MBP: variants seen among roughly 807,000 people sequenced by gnomAD.
MBP encodes Golli-MBP.
Under a neutral mutation model 35.8 loss-of-function variants are expected in MBP, and 16 were observed. That is an observed-to-expected ratio of 0.45 (90% confidence interval 0.30 to 0.68). The LOEUF (loss-of-function observed/expected upper bound fraction) is 0.68. Among genes scored for constraint, MBP ranks in the 30% least tolerant of loss-of-function variants. The pLI is 0.08. For synonymous variants in MBP, 143 were observed against 159.6 expected (o/e 0.90, Z 0.78); for missense variants, 380 against 404.7 (o/e 0.94, Z 0.52).
At chr18:76,990,735 G>A (rs976563871) in intron 4 of MBP, 4 of 187,962 alleles carry the variant, frequency 2.1e-5, no homozygotes, top group South Asian at 1.4e-4. Context: ...TTGTGTGTGC[G>A]TGTAGGATGG....
In MBP at chr18:76,988,311, G is replaced by A. The variant is rs943550363; in HGVS notation, c.750+184C>T. ...GCAAGAGACCAGACCTTCCGGAAGG[G>A]AAGACCACGTTTCATTTCCCCAGTG... is the stretch of plus-strand genomic sequence containing the variant. On this transcript the variant is annotated intron_variant, in intron 7 of 8. Coordinates refer to ENST00000355994, the MANE Select transcript of MBP (RefSeq NM_001025101.2). This position sits in a 1 kb window ranked among gnomAD's most constrained non-coding sequence, Gnocchi z 5.2. 52 of 1,566,918 alleles carry A rather than the reference G, an allele frequency of 3.3e-5. No homozygotes were observed. The highest frequency in any genetic ancestry group is 3.8e-5 in the Non-Finnish European group (44 of 1,155,682).
chr18:77,010,746 T>C (rs1189650198), intron 4 of MBP, among the ~76,000 whole-genome samples: 5 of 152,236 alleles, frequency 3.3e-5, no homozygotes, highest in African/African-American at 1.2e-4. Context: ...CCTAACTTAA[T>C]GTATTATCTT....
rs186457736 is a variant in MBP, at chr18:77,026,476, G to A, written c.140-9208C>T. Among the ~76,000 whole-genome samples, 10 of 152,242 alleles carry A rather than the reference G, an allele frequency of 6.6e-5. 1 individual carries two copies. The highest frequency in any genetic ancestry group is 2.0e-4 in the Admixed American group (3 of 15,302). On this transcript the variant is annotated intron_variant, in intron 3 of 8. Transcript: ENST00000355994. ...ACACTACCCAATTTAACTATAACACGGTGGACTTCTGTGGATGAGATGATA... is the reference window on the plus strand; with the variant it reads ...ACACTACCCAATTTAACTATAACACAGTGGACTTCTGTGGATGAGATGATA...
intron 4 of MBP, among the ~76,000 whole-genome samples, chr18:76,999,269 C>G (rs1970501112): frequency 6.6e-6 from 1 of 152,100 alleles, no homozygotes; most frequent in East Asian, 1.9e-4. Flanking sequence ...GGCGCACCCT[C>G]AAGCCTTCCC....
intron 2 of MBP, among the ~76,000 whole-genome samples, chr18:77,096,229 T>G (rs1393236281): frequency 6.6e-6 from 1 of 152,254 alleles, no homozygotes; most frequent in East Asian, 1.9e-4. Flanking sequence ...TCTATTTACA[T>G]GTTGATGGAA....
intron 4 of MBP, among the ~76,000 whole-genome samples, chr18:77,012,328 C>G (rs1430780965): frequency 6.6e-6 from 1 of 152,232 alleles, no homozygotes; most frequent in Non-Finnish European, 1.5e-5. Context: ...TCAGGAGATG[C>G]TGGTGGGGCG....
intron 1 of MBP, chr18:77,109,953 A>C (rs2145158068): frequency 6.6e-6 from 1 of 152,268 alleles, no homozygotes; most frequent in Non-Finnish European, 1.5e-5. Flanking sequence ...TTTTGAGTCC[A>C]TGTTCAAGAA....
chr18:77,005,321 T>C (rs1372748473), intron 4 of MBP: 1 of 152,250 alleles, frequency 6.6e-6, no homozygotes, highest in Non-Finnish European at 1.5e-5. Flanking sequence ...ATGGCCTCTC[T>C]GGTTGGCACC....
rs1973342135 is a variant in MBP, at chr18:77,048,400, C to T, written c.139+17898G>A. On this transcript the variant is annotated intron_variant, in intron 3 of 8. Transcript: ENST00000355994. ...AAAATGAAAGCTCATCACTCATAGA[C>T]CACTGTGCGAGGCCTTCTATTGGCA... is the stretch of plus-strand genomic sequence containing the variant. Among the ~76,000 whole-genome samples the T allele has an allele frequency of 2.6e-5, 4 of 152,208 alleles. No homozygotes were observed. In the South Asian group the frequency reaches 8.3e-4, roughly 32 times the overall value.
Position 77,098,961 on chromosome 18 carries a change from C to T in MBP, c.51+6250G>A, listed in dbSNP as rs566189706. 6.6e-5 allele frequency among the ~76,000 whole-genome samples: 10 copies of T among 151,818 alleles called. No homozygotes were observed. In the South Asian group the frequency reaches 1.0e-3, roughly 16 times the overall value. ...CCTCCTCCTTCTCACTCCTCCTTCC[C>T]CCTCCCTCTTCTCCTCTTCTCTCCC... On this transcript the variant is annotated intron_variant, in intron 2 of 8. Transcript: ENST00000355994.
chr18:76,983,507 T>G (rs1969339273), intron 8 of MBP: 2 of 152,068 alleles, frequency 1.3e-5, no homozygotes. Context: ...ACTGCGGCAA[T>G]GTACAGCATG....
chr18:77,055,145 C>T (rs1350322588), intron 3 of MBP, among the ~76,000 whole-genome samples: 1 of 152,200 alleles, frequency 6.6e-6, no homozygotes, highest in Admixed American at 6.5e-5. Context: ...TGCTGCTGGG[C>T]CCTGCGTGTC....
At chr18:76,995,059 A>G (rs1599496047) in intron 4 of MBP, among the ~76,000 whole-genome samples, 1 of 152,230 alleles carries the variant, frequency 6.6e-6, no homozygotes, top group Non-Finnish European at 1.5e-5. Context: ...ACATCCAAGT[A>G]ATGAACAATT....
chr18:77,027,529 C>T lies in MBP; in HGVS notation c.140-10261G>A, dbSNP rs183225440. Among the ~76,000 whole-genome samples the T allele has an allele frequency of 2.0e-4, 30 of 152,296 alleles. No individual in the cohort carries two copies. The East Asian group carries it at 4.8e-3, about 25-fold the overall frequency. On this transcript the variant is annotated intron_variant, in intron 3 of 8. Transcript: ENST00000355994. ...ACATTCAGACCCAGCTCCCCGCCCT[C>T]GGCACACATTCCAGACCCCACAGGC...
chr18:77,028,275 C>T (rs1015952416), intron 3 of MBP, among the ~76,000 whole-genome samples: 1 of 137,172 alleles, frequency 7.3e-6, no homozygotes, highest in Non-Finnish European at 1.6e-5. Context: ...TGAGTGGACA[C>T]AGCACATGTT....
chr18:77,014,810 A>AT (rs1971539227), intron 4 of MBP: 1 of 985,184 alleles, frequency 1.0e-6, no homozygotes. Context: ...TATTATTATT[A>AT]TTTTTTGCCT....
chr18:77,094,533 G>A (rs979727150), intron 2 of MBP, among the ~76,000 whole-genome samples: 1 of 152,232 alleles, frequency 6.6e-6, no homozygotes, highest in Non-Finnish European at 1.5e-5. Context: ...ACGTTGAGGT[G>A]AGCACAGGAG....
chr18:77,023,932 C>A (rs1972094607), intron 3 of MBP, among the ~76,000 whole-genome samples: 1 of 152,236 alleles, frequency 6.6e-6, no homozygotes, highest in Admixed American at 6.5e-5. Flanking sequence ...TCTAACATAT[C>A]TGGGATGGTG....
At chr18:77,072,233 G>A (rs1225526197) in intron 2 of MBP, among the ~76,000 whole-genome samples, 1 of 152,146 alleles carries the variant, frequency 6.6e-6, no homozygotes, top group Admixed American at 6.5e-5. Flanking sequence ...GTTTCTCACA[G>A]CACCACACAT....
Sources: allele counts gnomAD v4.1 joint callset (sites outside exome capture counted in the v4.1 genomes callset), GRCh38; gene constraint gnomAD v4.1.1; non-coding constraint Gnocchi (gnomAD v3.1); transcripts MANE v1.5; gene names NCBI Gene and HGNC (gene_info 2026-07-23, HGNC 2026-07-21).